The following SMIM31 variants were observed in gnomAD, a reference collection of about 807,000 sequenced individuals.
SMIM31 encodes the protein small integral membrane protein 31, also known as human epithelial cell program regulator.
At chr4:164,767,494 T>G (rs1184537075) in intron 1 of SMIM31, among the ~76,000 whole-genome samples, 1 of 152,138 alleles carries the variant, frequency 6.6e-6, no homozygotes, top group Non-Finnish European at 1.5e-5. Context: ...GGGGAACAAG[T>G]GATACATTTT....
chr4:164,792,260 T>C (rs1296828002), intron 2 of SMIM31, among the ~76,000 whole-genome samples: 1 of 152,042 alleles, frequency 6.6e-6, no homozygotes, highest in Admixed American at 6.6e-5. Context: ...TTGAAAGCTG[T>C]CTAAAAAGGG....
intron 1 of SMIM31, among the ~76,000 whole-genome samples, chr4:164,758,342 C>A (rs11100575): frequency 0.65 from 99,270 of 151,878 alleles, 32,741 homozygotes; most frequent in African/African-American, 0.73. Flanking sequence ...TTAAGTTGTG[C>A]TCTTTAGGCT....
At chr4:164,797,710 C>T (rs1318283582) in intron 2 of SMIM31, among the ~76,000 whole-genome samples, 5 of 151,942 alleles carry the variant, frequency 3.3e-5, no homozygotes, top group African/African-American at 4.8e-5. Context: ...GTGATCAGCC[C>T]GCCTAGGCCC....
At chr4:164,784,564 G>T (rs1733002045) in intron 2 of SMIM31, among the ~76,000 whole-genome samples, 1 of 152,180 alleles carries the variant, frequency 6.6e-6, no homozygotes, top group African/African-American at 2.4e-5. Flanking sequence ...GTAAATTGAA[G>T]AATATGGTTT....
intron 2 of SMIM31, among the ~76,000 whole-genome samples, chr4:164,793,264 C>T (rs891180624): frequency 5.3e-5 from 8 of 152,176 alleles, no homozygotes; most frequent in Admixed American, 3.3e-4. Flanking sequence ...GCACGAGGCT[C>T]ACTATCTGGG....
In SMIM31 at chr4:164,802,248, AAG is replaced by A. The variant is rs1323691909; in HGVS notation, c.*1065_*1066del. On this transcript the variant is annotated 3_prime_UTR_variant, in exon 3 of 3. Transcript: ENST00000507311. ...ACTCTGTCTCAAAAGAAAAAAAACAAAGAGAGAGAGAGGGTCTCGCTTTGTCA... is the reference window on the plus strand; with the variant it reads ...ACTCTGTCTCAAAAGAAAAAAAACAAAGAGAGAGAGGGTCTCGCTTTGTCA... The A allele has an allele frequency of 3.3e-5, 5 of 152,176 alleles. No homozygotes were observed. The highest frequency in any genetic ancestry group is 4.4e-5 in the Non-Finnish European group (3 of 68,214). 9.4% of individuals were successfully genotyped at this position (152,176 alleles called of 1,614,324 possible).
intron 2 of SMIM31, among the ~76,000 whole-genome samples, chr4:164,793,770 G>T (rs1455184557): frequency 6.6e-6 from 1 of 152,072 alleles, no homozygotes; most frequent in Admixed American, 6.5e-5. Flanking sequence ...CACACTAGGG[G>T]TTAGGGCTTC....
chr4:164,766,729 C>A (rs913677564), intron 1 of SMIM31, among the ~76,000 whole-genome samples: 1 of 150,338 alleles, frequency 6.7e-6, no homozygotes, highest in Non-Finnish European at 1.5e-5. Context: ...ACCCGGGAAG[C>A]GGAGGTTGTA....
intron 2 of SMIM31, among the ~76,000 whole-genome samples, chr4:164,793,002 T>C (rs1733123206): frequency 6.6e-6 from 1 of 152,162 alleles, no homozygotes; most frequent in Non-Finnish European, 1.5e-5. Flanking sequence ...TTGAGAAAAC[T>C]GAATACCGTG....
chr4:164,787,271 A>T (rs111870662), intron 2 of SMIM31: 1 of 152,070 alleles, frequency 6.6e-6, no homozygotes, highest in African/African-American at 2.4e-5. Flanking sequence ...CTACTATAAG[A>T]TGTTTAGAGA....
chr4:164,782,380 T>A lies in SMIM31; in HGVS notation c.112+11825T>A, dbSNP rs956097289. 2.4e-3 allele frequency among the ~76,000 whole-genome samples: 350 copies of A among 144,792 alleles called. 3 individuals are homozygous for A. Among genetic ancestry groups the A allele is most frequent in the Middle Eastern group, 3.5e-3 (1 of 288 alleles). The allele number at this position is 144,792 out of a possible 152,430, so 95.0% of individuals were successfully genotyped here. On this transcript the variant is annotated intron_variant, in intron 2 of 2. Coordinates refer to ENST00000507311, the MANE Select transcript of SMIM31 (RefSeq NM_001352885.1). Reference sequence around the variant, plus strand: ...CACTACTTTATCTCTTTCTTTTATTTTTTTTTTTTTTTTTTTGAGACGGAG... The same window carrying A: ...CACTACTTTATCTCTTTCTTTTATTATTTTTTTTTTTTTTTTGAGACGGAG...
intron 2 of SMIM31, among the ~76,000 whole-genome samples, chr4:164,796,231 G>A (rs1219132065): frequency 6.6e-6 from 1 of 152,132 alleles, no homozygotes; most frequent in Non-Finnish European, 1.5e-5. Flanking sequence ...TTCTCATTCT[G>A]TTCTTTTTCT....
At chr4:164,757,450 G>A (rs1436226178) in intron 1 of SMIM31, among the ~76,000 whole-genome samples, 1 of 151,558 alleles carries the variant, frequency 6.6e-6, no homozygotes, top group African/African-American at 2.4e-5. Flanking sequence ...TTTTTGTTTG[G>A]CTATTAATTT....
At chr4:164,778,908 T>C (rs1459245959) in intron 2 of SMIM31, among the ~76,000 whole-genome samples, 1 of 151,164 alleles carries the variant, frequency 6.6e-6, no homozygotes, top group East Asian at 2.0e-4. Flanking sequence ...ATGTTTACTA[T>C]AACCATAAAC....
intron 1 of SMIM31, among the ~76,000 whole-genome samples, chr4:164,769,313 T>C (rs535790584): frequency 2.4e-4 from 36 of 152,182 alleles, no homozygotes; most frequent in African/African-American, 8.2e-4. Flanking sequence ...CTAATATCAT[T>C]TGAAAAAAGA....
At chr4:164,773,203 G>A (rs1467038303) in intron 2 of SMIM31, among the ~76,000 whole-genome samples, 1 of 152,176 alleles carries the variant, frequency 6.6e-6, no homozygotes, top group African/African-American at 2.4e-5. Flanking sequence ...TTGGTAGGGA[G>A]AAGGAGGCTG....
intron 2 of SMIM31, among the ~76,000 whole-genome samples, chr4:164,783,303 C>T (rs2110948315): frequency 6.8e-6 from 1 of 148,090 alleles, no homozygotes. Flanking sequence ...GAGGGTGAAT[C>T]ACTTGAGGTC....
intron 2 of SMIM31, among the ~76,000 whole-genome samples, chr4:164,785,305 T>G (rs1733013641): frequency 6.6e-6 from 1 of 152,142 alleles, no homozygotes; most frequent in South Asian, 2.1e-4. Flanking sequence ...ACAAGAGCAA[T>G]TAAAAACACT....
intron 2 of SMIM31, among the ~76,000 whole-genome samples, chr4:164,779,272 T>C (rs1732916072): frequency 6.6e-6 from 1 of 152,174 alleles, no homozygotes; most frequent in Non-Finnish European, 1.5e-5. Flanking sequence ...GCTAAACTAT[T>C]GGGCATGCTG....
Sources: gnomAD v4.1 joint callset for allele counts (sites outside exome capture counted in the v4.1 genomes callset) on GRCh38, gnomAD v4.1.1 for gene constraint, MANE v1.5 for transcripts, NCBI Gene and HGNC (gene_info 2026-07-23, HGNC 2026-07-21) for gene names.